The following PDS5A variants were observed in gnomAD, a reference collection of about 807,000 sequenced individuals.
The protein encoded by PDS5A is PDS5 cohesin associated factor A.
A neutral mutation model predicts 167.1 loss-of-function variants in PDS5A; 42 were observed. The observed-to-expected ratio is 0.25, with a 90% CI of 0.20 to 0.33. PDS5A has a LOEUF of 0.33. Ranked by LOEUF, PDS5A falls within the 10% of genes least tolerant of loss-of-function variation. The probability of loss-of-function intolerance (pLI) is 1.00; values close to 1 mark genes in which losing one functional copy is unlikely to be tolerated. For synonymous variants in PDS5A, 553 were observed against 554.6 expected (o/e 1.00, Z 0.04); for missense variants, 1,033 against 1,605.9 (o/e 0.64, Z 6.10).
intron 7 of PDS5A, among the ~76,000 whole-genome samples, chr4:39,919,446 C>A (rs1290619494): frequency 2.0e-5 from 3 of 152,134 alleles, no homozygotes; most frequent in Non-Finnish European, 2.9e-5. Flanking sequence ...GAGATCAAGA[C>A]CACCCTGGCT....
At chr4:39,956,863 G>A (rs970865198) in intron 2 of PDS5A, among the ~76,000 whole-genome samples, 6 of 152,048 alleles carry the variant, frequency 3.9e-5, no homozygotes, top group Admixed American at 3.9e-4. Context: ...GTAGAGAAGA[G>A]GTTTTGCCAT....
intron 17 of PDS5A, among the ~76,000 whole-genome samples, chr4:39,881,495 TA>T (rs1346393702): frequency 3.9e-5 from 6 of 152,160 alleles, no homozygotes; most frequent in African/African-American, 1.4e-4. Flanking sequence ...TATCTTCAGT[TA>T]ATCTGATAAC....
chr4:39,930,254 TGTTTTTTG>T (rs1373105439), intron 2 of PDS5A, among the ~76,000 whole-genome samples: 8 of 118,468 alleles, frequency 6.8e-5, no homozygotes, highest in South Asian at 3.0e-4. Flanking sequence ...AAAGTTTTTT[TGTTTTTTG>T]TTTTTTTTTT....
rs1165991531 is a variant in PDS5A at position 39,953,386 on chromosome 4, G to A, written c.138+23054C>T. Among the ~76,000 whole-genome samples, 3 of 152,020 alleles carry A rather than the reference G, an allele frequency of 2.0e-5. No individual in the cohort carries two copies. The South Asian group carries it at 6.2e-4, about 32-fold the overall frequency. On this transcript the variant is annotated intron_variant, in intron 2 of 32. Coordinates refer to ENST00000303538, the MANE Select transcript of PDS5A (RefSeq NM_001100399.2). ...TTCTGGAGCTCATCAGGTGATCCAG[G>A]GCAGTGTTTTTCAAACCATCAATGG...
chr4:39,913,434 G>C (rs1041722804), intron 9 of PDS5A, among the ~76,000 whole-genome samples, 177 bp downstream of exon 9: 1 of 152,108 alleles, frequency 6.6e-6, no homozygotes, highest in Non-Finnish European at 1.5e-5. Flanking sequence ...AAAATACTAA[G>C]CTTTCTTCAT....
In PDS5A at chr4:39,863,325, T is replaced by C. The variant is rs776604302; in HGVS notation, c.2766+11A>G. On this transcript the variant is annotated intron_variant, in intron 24 of 32. Coordinates refer to ENST00000303538, the MANE Select transcript of PDS5A (RefSeq NM_001100399.2). ...AGATAAGTAATTGACAAAAATAAGA[T>C]TGTTACTTACATTAATAACAAGTGC... is the stretch of plus-strand genomic sequence containing the variant. The C allele has an allele frequency of 1.1e-5, 18 of 1,569,618 alleles. No homozygotes were observed. The highest frequency in any genetic ancestry group is 1.1e-4 in the South Asian group (9 of 84,432).
chr4:39,882,611 T>C (rs1203464531), intron 17 of PDS5A, among the ~76,000 whole-genome samples: 1 of 152,210 alleles, frequency 6.6e-6, no homozygotes, highest in Non-Finnish European at 1.5e-5. Context: ...TCATGAGTAT[T>C]TATTAACTAC....
chr4:39,969,245 C>T (rs192001984), intron 2 of PDS5A, among the ~76,000 whole-genome samples: 88 of 152,298 alleles, frequency 5.8e-4, no homozygotes, highest in African/African-American at 2.0e-3. Context: ...TTGTTCACAA[C>T]CTATCAAATG....
chr4:39,973,852 G>A (rs1730808134), intron 2 of PDS5A: 15 of 930,270 alleles, frequency 1.6e-5, no homozygotes, highest in Non-Finnish European at 2.5e-5. Flanking sequence ...AAGACCGGGC[G>A]CGGTGGCTCA....
intron 26 of PDS5A, among the ~76,000 whole-genome samples, chr4:39,861,548 G>A (rs1244553385): frequency 6.6e-6 from 1 of 152,214 alleles, no homozygotes; most frequent in African/African-American, 2.4e-5. Flanking sequence ...ACCATGGTAG[G>A]GTGACTATAG....
chr4:39,828,204 G>A (rs1405024046), intron 32 of PDS5A, among the ~76,000 whole-genome samples: 2 of 152,124 alleles, frequency 1.3e-5, no homozygotes, highest in East Asian at 3.9e-4. Context: ...AATACTTACT[G>A]AAACCCACAT....
intron 2 of PDS5A, among the ~76,000 whole-genome samples, chr4:39,967,571 C>T (rs542259425): frequency 3.3e-5 from 5 of 151,100 alleles, no homozygotes; most frequent in African/African-American, 9.7e-5. Flanking sequence ...TGCTTGAACT[C>T]AGGAGGCGGA....
chr4:39,900,068 T>C (rs901186443), intron 14 of PDS5A, among the ~76,000 whole-genome samples: 3 of 152,036 alleles, frequency 2.0e-5, no homozygotes, highest in African/African-American at 7.2e-5. Context: ...ATATCTGATA[T>C]TCACTCTACA....
intron 2 of PDS5A, among the ~76,000 whole-genome samples, chr4:39,930,013 A>C (rs906633230): frequency 3.1e-4 from 47 of 151,118 alleles, no homozygotes; most frequent in African/African-American, 9.7e-4. Context: ...CAGAAGATCG[A>C]GACCATCCTG....
chr4:39,879,613 T>C, intron 18 of PDS5A, 115 bp downstream of exon 18: 1 of 568,624 alleles, frequency 1.8e-6, no homozygotes, highest in Non-Finnish European at 3.2e-6. Flanking sequence ...CCAACACAAG[T>C]TTTAAATCTT....
chr4:39,933,979 T>C (rs1426930755), intron 2 of PDS5A, among the ~76,000 whole-genome samples: 1 of 152,196 alleles, frequency 6.6e-6, no homozygotes, highest in East Asian at 1.9e-4. Flanking sequence ...TGTGTGTATG[T>C]GTGTGCGGGC....
chr4:39,929,770 G>A (rs1218814647), intron 2 of PDS5A, among the ~76,000 whole-genome samples: 1 of 149,832 alleles, frequency 6.7e-6, no homozygotes, highest in East Asian at 1.9e-4. Context: ...TTTTGAGAAA[G>A]GGACTTGCTT....
intron 2 of PDS5A, among the ~76,000 whole-genome samples, chr4:39,971,916 T>C (rs904800738): frequency 6.6e-6 from 1 of 152,156 alleles, no homozygotes; most frequent in Non-Finnish European, 1.5e-5. Context: ...ACATTTCCAA[T>C]GAGACATAAT....
intron 2 of PDS5A, among the ~76,000 whole-genome samples, chr4:39,929,521 A>C (rs28606658): frequency 0.031 from 536 of 17,138 alleles, 13 homozygotes; most frequent in Middle Eastern, 0.042. Flanking sequence ...TTAATAAACT[A>C]TATATATATA....
Sources: allele counts gnomAD v4.1 joint callset (sites outside exome capture counted in the v4.1 genomes callset), GRCh38; gene constraint gnomAD v4.1.1; transcripts MANE v1.5; gene names NCBI Gene and HGNC (gene_info 2026-07-23, HGNC 2026-07-21).